RSF1: variants seen among roughly 807,000 people sequenced by gnomAD.
The protein encoded by RSF1 is HBV pX-associated protein 8.
RSF1 carries 13 observed loss-of-function variants against 145.2 expected under a neutral mutation model. The observed-to-expected ratio is 0.09, with a 90% CI of 0.06 to 0.14. The LOEUF is 0.14. Ranked by LOEUF, RSF1 falls within the 10% of genes least tolerant of loss-of-function variation. The probability of loss-of-function intolerance (pLI) is 1.00; values close to 1 mark genes in which losing one functional copy is unlikely to be tolerated. For synonymous variants in RSF1, 577 were observed against 592.6 expected (o/e 0.97, Z 0.38); for missense variants, 1,517 against 1,718.2 (o/e 0.88, Z 2.07).
intron 1 of RSF1, among the ~76,000 whole-genome samples, chr11:77,806,538 A>T (rs554296791): frequency 1.3e-5 from 2 of 151,908 alleles, no homozygotes; most frequent in Admixed American, 1.3e-4. Flanking sequence ...TTTTTTAACT[A>T]GCCAGGTGTA....
At chr11:77,870,528 G>C in the RSF1 span, among the ~76,000 whole-genome samples, 2 of 151,504 alleles carry the variant, frequency 1.3e-5, no homozygotes, top group South Asian at 4.2e-4. Flanking sequence ...TAGTAGAGAC[G>C]GGGTTTCACC....
At chr11:77,813,619 T>G in intron 1 of RSF1, 1 of 621,654 alleles carries the variant, frequency 1.6e-6, no homozygotes, top group Non-Finnish European at 3.0e-6. Flanking sequence ...GTGATTCAAT[T>G]TCGGTGAACT....
intron 3 of RSF1, among the ~76,000 whole-genome samples, chr11:77,742,921 T>C (rs1329625964): frequency 6.6e-6 from 1 of 152,194 alleles, no homozygotes; most frequent in Non-Finnish European, 1.5e-5. Flanking sequence ...AATTTGTGTA[T>C]GGTGTAAGAT....
At chr11:77,749,573 C>T (rs1013117045) in intron 2 of RSF1, among the ~76,000 whole-genome samples, 1 of 152,052 alleles carries the variant, frequency 6.6e-6, no homozygotes, top group Non-Finnish European at 1.5e-5. Flanking sequence ...GTCACAAATT[C>T]CAAAAACAAC....
At chr11:77,795,102 C>T (rs1011359714) in intron 1 of RSF1, among the ~76,000 whole-genome samples, 6 of 149,860 alleles carry the variant, frequency 4.0e-5, no homozygotes, top group Admixed American at 1.3e-4. Context: ...GCAATAACTA[C>T]AAAAAAAAAT....
intron 11 of RSF1, 24 bp downstream of exon 11, chr11:77,683,686 T>C (rs1218817055): frequency 5.4e-6 from 8 of 1,493,260 alleles, no homozygotes; most frequent in Non-Finnish European, 7.4e-6. Flanking sequence ...TCTTTTGCTG[T>C]AGACATTTCC....
intron 1 of RSF1, among the ~76,000 whole-genome samples, chr11:77,771,131 T>A (rs1351609850): frequency 6.6e-6 from 1 of 152,118 alleles, no homozygotes; most frequent in Non-Finnish European, 1.5e-5. Context: ...AAAACAAATT[T>A]AAAAAGAAAG....
intron 7 of RSF1, 72 bp from the exon 8 acceptor site, chr11:77,693,683 A>C: frequency 9.6e-7 from 1 of 1,040,600 alleles, no homozygotes; most frequent in Admixed American, 2.0e-5. Flanking sequence ...AGACGTTTCA[A>C]TATCTCTGAG....
At chr11:77,865,358 T>A in the RSF1 span, among the ~76,000 whole-genome samples, 1 of 152,190 alleles carries the variant, frequency 6.6e-6, no homozygotes, top group South Asian at 2.1e-4. Context: ...ACAATTTCAT[T>A]TAGGGGCCTA....
chr11:77,741,006 A>C, intron 3 of RSF1, 70 bp from the exon 4 acceptor site: 1 of 1,135,270 alleles, frequency 8.8e-7, no homozygotes, highest in Non-Finnish European at 1.3e-6. Flanking sequence ...ATATGATACA[A>C]CCGTAGAATT....
In RSF1 at chr11:77,744,385, C is replaced by T. The variant is rs144374722; in HGVS notation, c.372+2651G>A. Among the ~76,000 whole-genome samples, 654 of 152,126 alleles carry T rather than the reference C, an allele frequency of 4.3e-3. 4 individuals are homozygous for T. Among genetic ancestry groups the T allele is most frequent in the African/African-American group, 0.015 (620 of 41,482 alleles). On this transcript the variant is annotated intron_variant, in intron 3 of 15. Transcript: ENST00000308488. ...TGTTACCCAGGCTGAAGTGCAGTGG[C>T]ACGATCACAGCTCAAGCAATCCTCT...
the RSF1 span, among the ~76,000 whole-genome samples, chr11:77,830,987 C>CAAAAAAAAAAAAAA: frequency 4.0e-5 from 4 of 100,510 alleles, no homozygotes; most frequent in Non-Finnish European, 6.1e-5. Flanking sequence ...CAAAATATAC[C>CAAAAAAAAAAAAAA]AAAAAAAAAA....
At chr11:77,755,781 T>C (rs1417744308) in intron 2 of RSF1, among the ~76,000 whole-genome samples, 2 of 152,112 alleles carry the variant, frequency 1.3e-5, no homozygotes, top group African/African-American at 4.8e-5. Flanking sequence ...GGTTTCACCA[T>C]GTTGGCCAGG....
chr11:77,832,591 A>G, the RSF1 span, among the ~76,000 whole-genome samples: 2 of 151,728 alleles, frequency 1.3e-5, no homozygotes, highest in East Asian at 3.9e-4. Context: ...CTCCCAAAGT[A>G]CTGGGATTAC....
chr11:77,703,689 A>T (rs1334229631), intron 5 of RSF1, among the ~76,000 whole-genome samples: 3 of 152,236 alleles, frequency 2.0e-5, no homozygotes, highest in African/African-American at 7.2e-5. Context: ...TCAGTGTCTG[A>T]GAGTTAAGCA....
At chr11:77,833,201 GGT>G in the RSF1 span, among the ~76,000 whole-genome samples, 7 of 151,020 alleles carry the variant, frequency 4.6e-5, no homozygotes, top group African/African-American at 1.5e-4. Flanking sequence ...GTAGAGATGG[GGT>G]TTTCGCCATG....
At chr11:77,690,229 GAA>G (rs1268164452) in intron 9 of RSF1, among the ~76,000 whole-genome samples, 1 of 150,120 alleles carries the variant, frequency 6.7e-6, no homozygotes, top group Non-Finnish European at 1.5e-5. Flanking sequence ...ATGCTATATT[GAA>G]AAGAGGGGCA....
chr11:77,772,383 AGGCT>A (rs1948295000), intron 1 of RSF1, among the ~76,000 whole-genome samples: 1 of 152,142 alleles, frequency 6.6e-6, no homozygotes, highest in African/African-American at 2.4e-5. Context: ...TATGTTGGCC[AGGCT>A]GGTCTCAAAC....
intron 5 of RSF1, among the ~76,000 whole-genome samples, chr11:77,708,586 C>T (rs974493997): frequency 3.3e-5 from 5 of 152,144 alleles, no homozygotes; most frequent in African/African-American, 1.2e-4. Flanking sequence ...CTCTCACTAG[C>T]TGTAGTATTG....
Sources: gnomAD v4.1 joint callset for allele counts (sites outside exome capture counted in the v4.1 genomes callset) on GRCh38, gnomAD v4.1.1 for gene constraint, MANE v1.5 for transcripts, NCBI Gene and HGNC (gene_info 2026-07-23, HGNC 2026-07-21) for gene names.